The following LRP1 variants were observed in gnomAD, a reference collection of about 807,000 sequenced individuals.
LRP1 encodes the protein prolow-density lipoprotein receptor-related protein 1.
LRP1 carries 51 observed loss-of-function variants against 541.5 expected under a neutral mutation model. The ratio of observed to expected loss-of-function variants is 0.09; its 90% CI spans 0.08 to 0.12. The LOEUF (loss-of-function observed/expected upper bound fraction) is 0.12. LRP1 is among the 10% of genes least tolerant of loss of function. The probability of loss-of-function intolerance (pLI) is 1.00; values close to 1 mark genes in which losing one functional copy is unlikely to be tolerated. For synonymous variants in LRP1, 2,219 were observed against 2,470.8 expected (o/e 0.90, Z 3.02); for missense variants, 3,878 against 6,376.2 (o/e 0.61, Z 13.34).
chr12:57,162,824 T>G lies in LRP1; in HGVS notation c.2405-34T>G. The G allele has an allele frequency of 6.3e-7, 1 of 1,584,176 alleles. No individual in the cohort carries two copies. The highest frequency in any genetic ancestry group is 1.3e-5 in the African/African-American group (1 of 74,478). On this transcript the variant is annotated intron_variant, in intron 14 of 88. Transcript: ENST00000243077. The surrounding 1 kb of genome is among the most constrained non-coding windows in gnomAD (Gnocchi z 5.2). Reference sequence around the variant, plus strand: ...TCTCTGACCTCTCCTCACCTCTTCCTCCCTTTGCCTTTCCCCATGGCCCTT... The same window carrying G: ...TCTCTGACCTCTCCTCACCTCTTCCGCCCTTTGCCTTTCCCCATGGCCCTT...
chr12:57,210,443 C>T lies in LRP1; in HGVS notation c.12717C>T (p.His4239=). ...GTGAACTGGACCAGTGCTGGGAGCA[C>T]TGTCGCAATGGGGGCACCTGTGCTG... The part of the protein sequence containing the change: ...DKCELDQCWE[H]CRNGGTCAAS... The change falls in exon 82 of 89, where the codon CAC becomes CAT. Residue 4239 remains histidine (H), a synonymous_variant. Coordinates refer to ENST00000243077, the MANE Select transcript of LRP1 (RefSeq NM_002332.3). 2 of 1,560,114 alleles carry T rather than the reference C, an allele frequency of 1.3e-6. No homozygotes were observed. The highest frequency in any genetic ancestry group is 8.7e-7 in the Non-Finnish European group (1 of 1,149,610).
rs2036768585 is a variant in LRP1 at position 57,205,931 on chromosome 12, G to A, written c.11590+254G>A. ...CACACCTCCTCACCCACCACTGCCAGGACGAGAGTACACTCAGACACGCAT... is the reference window on the plus strand; with the variant it reads ...CACACCTCCTCACCCACCACTGCCAAGACGAGAGTACACTCAGACACGCAT... On this transcript the variant is annotated intron_variant, in intron 75 of 88. Coordinates refer to ENST00000243077, the MANE Select transcript of LRP1 (RefSeq NM_002332.3). The surrounding 1 kb of genome is among the most constrained non-coding windows in gnomAD (Gnocchi z 4.6). 6 of 576,048 alleles carry A rather than the reference G, an allele frequency of 1.0e-5. No individual in the cohort carries two copies. Among genetic ancestry groups the A allele is most frequent in the Non-Finnish European group, 1.9e-5 (6 of 323,492 alleles). 35.7% of individuals were successfully genotyped at this position (576,048 alleles called of 1,614,324 possible). A position where few individuals can be genotyped will look rare whatever the true frequency, so the allele number is the denominator to read the frequency against.
At chr12:57,199,499 C>T in intron 61 of LRP1, 99 bp downstream of exon 61, 1 of 1,323,088 alleles carries the variant, frequency 7.6e-7, no homozygotes, top group Non-Finnish European at 1.0e-6. Context: ...CCAAGCCCTC[C>T]TGGCCAGACA....
chr12:57,151,766 T>TG (rs1386527650), intron 6 of LRP1, among the ~76,000 whole-genome samples: 1 of 151,948 alleles, frequency 6.6e-6, no homozygotes, highest in Non-Finnish European at 1.5e-5. Context: ...CAAGTGTATG[T>TG]GTGTGTGTGT....
In LRP1 at chr12:57,158,964, G is replaced by C. The variant is rs947292144; in HGVS notation, c.1798+326G>C. ...AACTGAGGTCTTGAATTGGAGACAGGCCTGCCAGATCAAAACAGGGCACAC... is the reference window on the plus strand; with the variant it reads ...AACTGAGGTCTTGAATTGGAGACAGCCCTGCCAGATCAAAACAGGGCACAC... On this transcript the variant is annotated intron_variant, in intron 11 of 88. Transcript: ENST00000243077. The surrounding 1 kb of genome is among the most constrained non-coding windows in gnomAD (Gnocchi z 5.3). 1.3e-5 allele frequency among the ~76,000 whole-genome samples: 2 copies of C among 152,176 alleles called. No homozygotes were observed. Among genetic ancestry groups the C allele is most frequent in the Non-Finnish European group, 2.9e-5 (2 of 68,030 alleles).
chr12:57,188,719 G>C (rs1246986454), intron 42 of LRP1, among the ~76,000 whole-genome samples: 1 of 152,236 alleles, frequency 6.6e-6, no homozygotes, highest in Non-Finnish European at 1.5e-5. Context: ...AGTGGCTTTT[G>C]AGGGCAAAGA....
chr12:57,197,003 C>T lies in LRP1; in HGVS notation c.8914C>T (p.Arg2972Trp), dbSNP rs749876967. The stretch of plus-strand genomic sequence containing the variant: ...GCAGTGCCGCTGTCGCCCTGGCTTC[C>T]GGCTGAAGGACGACGGCCGGACGTG... ...GFKCRCRPGF[R>W]LKDDGRTCAD... The change falls in exon 56 of 89, where the codon CGG becomes TGG. Residue 2972 changes from arginine to tryptophan, a missense_variant. By Grantham distance (101) the Arg-to-Trp change is moderately radical. Around this residue, in one of 13 missense-constraint regions of LRP1, gnomAD observed 1,100 missense variants for 1,827.4 expected, o/e 0.60. Transcript: ENST00000243077. The surrounding 1 kb of genome is among the most constrained non-coding windows in gnomAD (Gnocchi z 4.5). The T allele has an allele frequency of 2.2e-5, 36 of 1,612,474 alleles. No homozygotes were observed. The highest frequency in any genetic ancestry group is 5.0e-5 in the Admixed American group (3 of 59,960).
Position 57,205,419 on chromosome 12 carries a change from G to A in LRP1, c.11404G>A (p.Glu3802Lys), listed in dbSNP as rs765245417. ...GGACGAGGCACGCTGCGTGCGCACC[G>A]AGAAAGCGGCCTACTGTGCCTGCCG... ...CGDEARCVRT[E>K]KAAYCACRSG... The change falls in exon 74 of 89, where the codon GAG becomes AAG. Residue 3802 changes from glutamate (E) to lysine (K), a missense_variant. Glu to Lys is a moderately conservative substitution (Grantham distance 56). This residue lies in a region of LRP1 where 871 missense variants were observed against 1,212.4 expected (regional missense o/e 0.72). Coordinates refer to ENST00000243077, the MANE Select transcript of LRP1 (RefSeq NM_002332.3). This position sits in a 1 kb window ranked among gnomAD's most constrained non-coding sequence, Gnocchi z 4.6. 8.1e-6 allele frequency: 13 copies of A among 1,609,202 alleles called. No individual in the cohort carries two copies. The highest frequency in any genetic ancestry group is 6.7e-5 in the African/African-American group (5 of 74,910).
chr12:57,136,659 G>T (rs963088266), intron 1 of LRP1, among the ~76,000 whole-genome samples: 11 of 152,210 alleles, frequency 7.2e-5, no homozygotes, highest in Non-Finnish European at 1.3e-4. Flanking sequence ...GGGGGAGAAG[G>T]GGTGGGTGAC....
Position 57,142,205 on chromosome 12 carries a change from G to A in LRP1, c.328+694G>A, listed in dbSNP as rs117506274. Reference sequence around the variant, plus strand: ...GTCACAGCGTGAGCATTTAAGAGTCGTGTCCGGGGAGGCAGAGCCTCAAGC... The same window carrying A: ...GTCACAGCGTGAGCATTTAAGAGTCATGTCCGGGGAGGCAGAGCCTCAAGC... On this transcript the variant is annotated intron_variant, in intron 3 of 88. Transcript: ENST00000243077. Among the ~76,000 whole-genome samples, 1,088 of 152,356 alleles carry A rather than the reference G, an allele frequency of 7.1e-3. 10 individuals are homozygous for A. Among genetic ancestry groups the A allele is most frequent in the Admixed American group, 0.016 (239 of 15,306 alleles).
At chr12:57,186,077 C>T (rs1005111411) in intron 41 of LRP1, among the ~76,000 whole-genome samples, 169 bp downstream of exon 41, 8 of 152,158 alleles carry the variant, frequency 5.3e-5, no homozygotes, top group Non-Finnish European at 1.0e-4. Flanking sequence ...TTGGAGTCAG[C>T]GTCAGCCCCC....
At chr12:57,138,678 T>G in intron 2 of LRP1, 97 bp downstream of exon 2, 1 of 1,499,456 alleles carries the variant, frequency 6.7e-7, no homozygotes, top group East Asian at 2.3e-5. Context: ...CCTAGCCTGA[T>G]GTGGACCTTG....
intron 1 of LRP1, among the ~76,000 whole-genome samples, chr12:57,137,208 T>C (rs1202894096): frequency 6.8e-6 from 1 of 147,400 alleles, no homozygotes; most frequent in Admixed American, 6.9e-5. Context: ...GCCATTGCAC[T>C]CCAGCCTGGG....
chr12:57,188,167 T>A (rs2036305229), intron 42 of LRP1, among the ~76,000 whole-genome samples: 1 of 152,194 alleles, frequency 6.6e-6, no homozygotes, highest in African/African-American at 2.4e-5. Context: ...CGGGGGTGGG[T>A]GCTCCCCCTG....
intron 78 of LRP1, 91 bp from the exon 79 acceptor site, chr12:57,208,992 G>A (rs1433352095): frequency 1.7e-6 from 2 of 1,169,218 alleles, no homozygotes; most frequent in South Asian, 1.3e-5. Flanking sequence ...GTATGAACAG[G>A]GTGGAGCTGT....
At position 57,205,619 on chromosome 12, in the gene LRP1, C is replaced by T; in HGVS notation, c.11532C>T (p.Gly3844=). ...CSQLCNNTKG[G]HLCSCARNFM... Reference sequence around the variant, plus strand: ...AGCTCTGCAACAACACCAAGGGCGGCCACCTCTGCAGCTGCGCTCGGAACT... The same window carrying T: ...AGCTCTGCAACAACACCAAGGGCGGTCACCTCTGCAGCTGCGCTCGGAACT... The change falls in exon 75 of 89, where the codon GGC becomes GGT. Residue 3844 remains glycine, a synonymous_variant. Transcript: ENST00000243077. The surrounding 1 kb of genome is among the most constrained non-coding windows in gnomAD (Gnocchi z 4.6). 1.2e-6 allele frequency: 2 copies of T among 1,613,716 alleles called. No homozygotes were observed. Among genetic ancestry groups the T allele is most frequent in the South Asian group, 2.2e-5 (2 of 91,086 alleles).
intron 34 of LRP1, among the ~76,000 whole-genome samples, chr12:57,182,844 G>C (rs558177438): frequency 6.6e-6 from 1 of 152,190 alleles, no homozygotes; most frequent in East Asian, 1.9e-4. Context: ...AAAAACAAAA[G>C]AAAAGAAAAG....
intron 6 of LRP1, chr12:57,149,705 G>A: frequency 1.4e-6 from 1 of 736,110 alleles, no homozygotes; most frequent in South Asian, 1.4e-5. Context: ...GAGCCCAGGA[G>A]AACGAGGTGA....
At chr12:57,188,898 G>T (rs540292793) in intron 42 of LRP1, among the ~76,000 whole-genome samples, 3 of 152,276 alleles carry the variant, frequency 2.0e-5, no homozygotes, top group Non-Finnish European at 4.4e-5. Context: ...TGGTCCCAGT[G>T]CCCAGGAGAA....
Sources: allele counts gnomAD v4.1 joint callset (sites outside exome capture counted in the v4.1 genomes callset), GRCh38; gene constraint gnomAD v4.1.1; regional missense constraint gnomAD v4.1.1; non-coding constraint Gnocchi (gnomAD v3.1); transcripts MANE v1.5; gene names NCBI Gene and HGNC (gene_info 2026-07-23, HGNC 2026-07-21).